The following CNTNAP2 variants were observed in gnomAD, a reference collection of about 807,000 sequenced individuals.
CNTNAP2 encodes the protein contactin-associated protein-like 2.
A neutral mutation model predicts 155.2 loss-of-function variants in CNTNAP2; 98 were observed. That is an observed-to-expected ratio of 0.63 (90% CI 0.54 to 0.75). CNTNAP2 has a LOEUF of 0.75. Ranked by LOEUF, CNTNAP2 falls within the 30% of genes least tolerant of loss-of-function variation. The pLI, the probability that CNTNAP2 is intolerant of heterozygous loss-of-function variation, is 0.00. For synonymous variants in CNTNAP2, 651 were observed against 631.2 expected (o/e 1.03, Z -0.47); for missense variants, 1,727 against 1,688.1 (o/e 1.02, Z -0.40).
At chr7:147,532,338 A>G (rs1799455313) in intron 11 of CNTNAP2, among the ~76,000 whole-genome samples, 1 of 152,170 alleles carries the variant, frequency 6.6e-6, no homozygotes, top group African/African-American at 2.4e-5. Context: ...ACATAACAAA[A>G]CTTACCTTTG....
chr7:146,622,280 T>TATCTATCC (rs1491246755), intron 1 of CNTNAP2, among the ~76,000 whole-genome samples: 2 of 104,502 alleles, frequency 1.9e-5, no homozygotes, highest in African/African-American at 9.3e-5. Context: ...TCTATCTATC[T>TATCTATCC]ATATATATAT....
intron 16 of CNTNAP2, among the ~76,000 whole-genome samples, chr7:148,131,439 C>T (rs1226570102): frequency 6.6e-6 from 1 of 152,092 alleles, no homozygotes; most frequent in African/African-American, 2.4e-5. Context: ...GTTCATGAAA[C>T]CTTTCCCTTC....
At chr7:146,951,451 C>T (rs959983218) in intron 3 of CNTNAP2, among the ~76,000 whole-genome samples, 4 of 151,952 alleles carry the variant, frequency 2.6e-5, no homozygotes, top group Non-Finnish European at 5.9e-5. Context: ...GTCCTTAATC[C>T]ATCTTGAGTT....
intron 1 of CNTNAP2, among the ~76,000 whole-genome samples, chr7:146,459,148 C>A (rs1456025572): frequency 6.6e-6 from 1 of 152,156 alleles, no homozygotes. Context: ...GCTTCATTTA[C>A]ACCATCTTTG....
intron 14 of CNTNAP2, among the ~76,000 whole-genome samples, chr7:147,905,957 G>A (rs1427932695): frequency 6.6e-6 from 1 of 151,850 alleles, no homozygotes; most frequent in African/African-American, 2.4e-5. Flanking sequence ...AACTGGAGGA[G>A]TGAAGGAAGG....
At chr7:147,443,604 T>C (rs979860530) in intron 10 of CNTNAP2, among the ~76,000 whole-genome samples, 1 of 152,176 alleles carries the variant, frequency 6.6e-6, no homozygotes, top group African/African-American at 2.4e-5. Flanking sequence ...GGATGATCGG[T>C]AGAGGCTTCT....
intron 3 of CNTNAP2, among the ~76,000 whole-genome samples, chr7:147,019,253 A>G (rs549024548): frequency 3.3e-5 from 5 of 152,062 alleles, no homozygotes; most frequent in South Asian, 4.1e-4. Context: ...GCATTTCTAC[A>G]TATTATTTTT....
At chr7:146,900,159 G>C (rs1795964508) in intron 3 of CNTNAP2, among the ~76,000 whole-genome samples, 2 of 152,146 alleles carry the variant, frequency 1.3e-5, no homozygotes, top group Non-Finnish European at 2.9e-5. Flanking sequence ...AACTAAAAGA[G>C]GAGATTTCCT....
intron 13 of CNTNAP2, among the ~76,000 whole-genome samples, chr7:147,691,301 T>C (rs971010039): frequency 6.6e-6 from 1 of 152,158 alleles, no homozygotes; most frequent in African/African-American, 2.4e-5. Flanking sequence ...TTCCGTTCTC[T>C]CTTCAGTTTG....
At chr7:146,831,951 T>G (rs953147541) in intron 2 of CNTNAP2, among the ~76,000 whole-genome samples, 1 of 152,178 alleles carries the variant, frequency 6.6e-6, no homozygotes, top group East Asian at 1.9e-4. Context: ...AAGTATTAAT[T>G]TATCGATATT....
At chr7:147,351,546 CAGT>C (rs2116878940) in intron 9 of CNTNAP2, among the ~76,000 whole-genome samples, 1 of 151,778 alleles carries the variant, frequency 6.6e-6, no homozygotes, top group East Asian at 1.9e-4. Context: ...ATATATAAAA[CAGT>C]AGTATTTGTA....
intron 15 of CNTNAP2, among the ~76,000 whole-genome samples, chr7:148,058,142 T>A (rs1234803023): frequency 6.6e-6 from 1 of 152,076 alleles, no homozygotes; most frequent in Non-Finnish European, 1.5e-5. Context: ...TAGAGTGTGT[T>A]GATAACGTGA....
intron 11 of CNTNAP2, among the ~76,000 whole-genome samples, chr7:147,522,655 C>A (rs1799247640): frequency 6.6e-6 from 1 of 151,498 alleles, no homozygotes; most frequent in African/African-American, 2.4e-5. Flanking sequence ...ACAAATTTGC[C>A]ATCTTCACAT....
intron 10 of CNTNAP2, among the ~76,000 whole-genome samples, chr7:147,485,621 TAGC>T (rs758196570): frequency 1.6e-4 from 24 of 152,196 alleles, no homozygotes; most frequent in Non-Finnish European, 2.9e-4. Context: ...GGAGGGAACT[TAGC>T]TGCTGTCTTT....
chr7:146,300,318 G>A (rs974326209), intron 1 of CNTNAP2, among the ~76,000 whole-genome samples: 2 of 151,330 alleles, frequency 1.3e-5, no homozygotes, highest in Non-Finnish European at 3.0e-5. Context: ...AAGGATTATG[G>A]TATAAATATT....
intron 21 of CNTNAP2, among the ~76,000 whole-genome samples, chr7:148,375,184 A>C (rs985223927): frequency 3.3e-5 from 5 of 151,862 alleles, no homozygotes; most frequent in Admixed American, 6.6e-5. Context: ...TTTTGTGTCA[A>C]TGTTTTTGGT....
intron 2 of CNTNAP2, among the ~76,000 whole-genome samples, chr7:146,800,107 CTA>C (rs1802847641): frequency 6.6e-6 from 1 of 152,030 alleles, no homozygotes; most frequent in African/African-American, 2.4e-5. Context: ...TTTGTAATAA[CTA>C]TATTTTTCCA....
chr7:148,231,604 C>T (rs1451408453), intron 20 of CNTNAP2, among the ~76,000 whole-genome samples: 2 of 152,076 alleles, frequency 1.3e-5, no homozygotes, highest in South Asian at 4.2e-4. Context: ...GATTAATTAC[C>T]TCTTACTGCA....
chr7:146,231,295 G>C (rs1799380690), intron 1 of CNTNAP2, among the ~76,000 whole-genome samples: 1 of 152,188 alleles, frequency 6.6e-6, no homozygotes, highest in Admixed American at 6.5e-5. Flanking sequence ...TAAAGCTATA[G>C]TGGTACTCTT....
Sources: allele counts gnomAD v4.1 joint callset (sites outside exome capture counted in the v4.1 genomes callset), GRCh38; gene constraint gnomAD v4.1.1; transcripts MANE v1.5; gene names NCBI Gene and HGNC (gene_info 2026-07-23, HGNC 2026-07-21).